Variants in NT5M observed in about 807,000 individuals in gnomAD.
The protein encoded by NT5M is 5'(3')-deoxyribonucleotidase, mitochondrial.
A neutral mutation model predicts 22.2 loss-of-function variants in NT5M; 22 were observed. The ratio of observed to expected loss-of-function variants is 0.99; its 90% CI spans 0.71 to 1.41. The LOEUF is 1.41. Ranked by LOEUF, NT5M falls within the 40% of genes most tolerant of loss-of-function variation. The pLI is 0.00. For synonymous variants in NT5M, 167 were observed against 133.0 expected (o/e 1.26, Z -1.76); for missense variants, 322 against 314.8 (o/e 1.02, Z -0.17).
rs578003253 is a variant in NT5M, at chr17:17,306,489, G to C, written c.268-54G>C. 5.7e-6 allele frequency: 7 copies of C among 1,237,850 alleles called. No individual in the cohort carries two copies. In the East Asian group the frequency reaches 1.4e-4, roughly 25 times the overall value. The allele number at this position is 1,237,850 out of a possible 1,614,324, so 76.7% of individuals were successfully genotyped here. On this transcript the variant is annotated intron_variant, in intron 1 of 4. Transcript: ENST00000389022. ...AGCCTGGCCATACTCCCCAAGATGA[G>C]GGCAGTAAGGTGCTGAGGACCCTGG...
intron 4 of NT5M, chr17:17,345,173 G>T: frequency 8.7e-7 from 1 of 1,146,744 alleles, no homozygotes. Context: ...TCAAAGCCTT[G>T]TCTTCCTCAT....
rs1057426312 is a variant in NT5M at position 17,315,759 on chromosome 17, T to G, written c.369-7426T>G. Among the ~76,000 whole-genome samples the G allele has an allele frequency of 5.8e-5, 8 of 137,768 alleles. 1 individual carries two copies. Among genetic ancestry groups the G allele is most frequent in the African/African-American group, 1.1e-4 (4 of 37,448 alleles). The allele number at this position is 137,768 out of a possible 152,430, so 90.4% of individuals were successfully genotyped here. A position where few individuals can be genotyped will look rare whatever the true frequency, so the allele number is the denominator to read the frequency against. ...CTAACTTAGGGTTTTTTTGTTTTTTTTTTTTTTTTTTTTTTGAGACAGCCT... is the reference window on the plus strand; with the variant it reads ...CTAACTTAGGGTTTTTTTGTTTTTTGTTTTTTTTTTTTTTTGAGACAGCCT... On this transcript the variant is annotated intron_variant, in intron 2 of 4. Coordinates refer to ENST00000389022, the MANE Select transcript of NT5M (RefSeq NM_020201.4).
At position 17,306,578 on chromosome 17, in the gene NT5M, C is replaced by A. The variant is rs752814820; in HGVS notation, c.303C>A (p.Phe101Leu). The change falls in exon 2 of 5, where the codon TTC (phenylalanine) becomes TTA (leucine). Residue 101 changes from phenylalanine to leucine, a missense_variant. Physicochemically the swap from Phe to Leu is conservative, Grantham distance 22. Coordinates refer to ENST00000389022, the MANE Select transcript of NT5M (RefSeq NM_020201.4). ...KAISIWESKN[F>L]FFELEPLPGA... ...TCAGCATTTGGGAGTCAAAGAATTTCTTTTTTGAACTTGAGCCTCTGCCAG... is the reference window on the plus strand; with the variant it reads ...TCAGCATTTGGGAGTCAAAGAATTTATTTTTTGAACTTGAGCCTCTGCCAG... The A allele has an allele frequency of 6.2e-7, 1 of 1,613,986 alleles. No individual in the cohort carries two copies. Among genetic ancestry groups the A allele is most frequent in the South Asian group, 1.1e-5 (1 of 91,072 alleles).
At chr17:17,341,747 C>A (rs913835496) in intron 3 of NT5M, among the ~76,000 whole-genome samples, 3 of 152,194 alleles carry the variant, frequency 2.0e-5, no homozygotes, top group Non-Finnish European at 4.4e-5. Context: ...AAATTTAACC[C>A]TGGCTGGGTG....
chr17:17,310,363 G>A (rs1201730499), intron 2 of NT5M, among the ~76,000 whole-genome samples: 1 of 152,064 alleles, frequency 6.6e-6, no homozygotes, highest in Non-Finnish European at 1.5e-5. Flanking sequence ...GGGCAACATA[G>A]TGAGACCCTG....
At chr17:17,319,967 C>T (rs919217559) in intron 2 of NT5M, among the ~76,000 whole-genome samples, 6 of 152,142 alleles carry the variant, frequency 3.9e-5, no homozygotes, top group South Asian at 2.1e-4. Flanking sequence ...CTCAGCCTCC[C>T]GAGTAGCTGG....
intron 4 of NT5M, 148 bp from the exon 5 acceptor site, chr17:17,346,657 C>T (rs2049764835): frequency 4.7e-6 from 4 of 859,568 alleles, no homozygotes; most frequent in Non-Finnish European, 3.5e-6. Flanking sequence ...ACACCCGCTG[C>T]GAAGGCGGGT....
chr17:17,343,913 G>A (rs1388302926), intron 3 of NT5M, among the ~76,000 whole-genome samples: 1 of 152,168 alleles, frequency 6.6e-6, no homozygotes, highest in Non-Finnish European at 1.5e-5. Flanking sequence ...AGGGTGCCTG[G>A]GGCCCATGGG....
chr17:17,312,115 G>A (rs2048932797), intron 2 of NT5M, among the ~76,000 whole-genome samples: 1 of 152,226 alleles, frequency 6.6e-6, no homozygotes, highest in Admixed American at 6.5e-5. Flanking sequence ...TAAGGAGAAA[G>A]TCCTCAGTAT....
intron 3 of NT5M, 133 bp from the exon 4 acceptor site, chr17:17,344,661 C>T: frequency 9.2e-7 from 1 of 1,092,430 alleles, no homozygotes; most frequent in South Asian, 1.5e-5. Context: ...GGCGCTGGGC[C>T]TTGGTGTCAG....
intron 1 of NT5M, among the ~76,000 whole-genome samples, chr17:17,305,223 C>G (rs879286807): frequency 6.5e-4 from 99 of 152,098 alleles, no homozygotes; most frequent in African/African-American, 2.3e-3. Flanking sequence ...AGGCTCTGTA[C>G]GTGTGGGGTT....
intron 2 of NT5M, among the ~76,000 whole-genome samples, chr17:17,315,486 A>C (rs1462191122): frequency 6.6e-6 from 1 of 152,192 alleles, no homozygotes; most frequent in Non-Finnish European, 1.5e-5. Flanking sequence ...TTTGGGTAGA[A>C]TGGGAAGCTG....
chr17:17,305,306 A>G (rs2048771654), intron 1 of NT5M, among the ~76,000 whole-genome samples: 1 of 149,326 alleles, frequency 6.7e-6, no homozygotes, highest in African/African-American at 2.5e-5. Flanking sequence ...GCTGGCTTCC[A>G]CTACTTCCCT....
intron 4 of NT5M, among the ~76,000 whole-genome samples, chr17:17,345,944 C>T (rs56069314): frequency 0.34 from 52,402 of 151,908 alleles, 10,025 homozygotes; most frequent in East Asian, 0.47. Context: ...TGTTTCTTTG[C>T]CTCTTGGCTC....
chr17:17,339,874 T>G (rs1307924882), intron 3 of NT5M, among the ~76,000 whole-genome samples: 2 of 152,226 alleles, frequency 1.3e-5, no homozygotes, highest in Non-Finnish European at 2.9e-5. Context: ...TGAATTCAAT[T>G]TGCTAATCTT....
chr17:17,322,536 G>C (rs1485740346), intron 2 of NT5M, among the ~76,000 whole-genome samples: 20 of 152,180 alleles, frequency 1.3e-4, no homozygotes, highest in Admixed American at 1.3e-3. Flanking sequence ...GTTGAGGGAC[G>C]CGTTTGCCAG....
intron 2 of NT5M, among the ~76,000 whole-genome samples, chr17:17,322,848 CCTT>C (rs2049179494): frequency 6.6e-6 from 1 of 152,188 alleles, no homozygotes; most frequent in African/African-American, 2.4e-5. Flanking sequence ...GGAGTAGGCT[CCTT>C]CTCTGTGTTC....
chr17:17,331,777 T>C (rs541195958), intron 3 of NT5M, among the ~76,000 whole-genome samples: 5 of 151,402 alleles, frequency 3.3e-5, no homozygotes, highest in Admixed American at 2.0e-4. Context: ...ATTCTTTTTC[T>C]TTTTCTTTTC....
intron 3 of NT5M, among the ~76,000 whole-genome samples, chr17:17,327,529 T>A (rs556945796): frequency 9.7e-6 from 1 of 102,626 alleles, no homozygotes; most frequent in South Asian, 3.2e-4. Context: ...TTTGTTCTGT[T>A]TTGTTTGAGA....
Sources: gnomAD v4.1 joint callset for allele counts (sites outside exome capture counted in the v4.1 genomes callset) on GRCh38, gnomAD v4.1.1 for gene constraint, MANE v1.5 for transcripts, NCBI Gene and HGNC (gene_info 2026-07-23, HGNC 2026-07-21) for gene names.